CTNNA2: variants seen among roughly 807,000 people sequenced by gnomAD.
The protein encoded by CTNNA2 is catenin alpha-2.
CTNNA2 carries 42 observed loss-of-function variants against 101.0 expected under a neutral mutation model. The ratio of observed to expected loss-of-function variants is 0.42; its 90% CI spans 0.32 to 0.54. CTNNA2 has a LOEUF of 0.54. CTNNA2 is among the 20% of genes least tolerant of loss of function. The pLI is 0.14. For missense variants in CTNNA2, 871 were observed against 1,223.1 expected, an observed-to-expected ratio of 0.71 and a Z score of 4.29; for synonymous variants, 450 against 456.4, an observed-to-expected ratio of 0.99 and a Z score of 0.18.
chr2:79,989,338 T>A (rs897760914), intron 7 of CTNNA2, among the ~76,000 whole-genome samples: 1 of 152,158 alleles, frequency 6.6e-6, no homozygotes, highest in African/African-American at 2.4e-5. Flanking sequence ...AATTGGAGTA[T>A]TAGGCTGGGC....
At chr2:80,429,851 C>T (rs1681329778) in intron 9 of CTNNA2, among the ~76,000 whole-genome samples, 1 of 152,178 alleles carries the variant, frequency 6.6e-6, no homozygotes, top group South Asian at 2.1e-4. Context: ...TTCAAGCTTG[C>T]TTGCAAGTTG....
At chr2:79,709,833 G>T (rs972321726) in intron 2 of CTNNA2, among the ~76,000 whole-genome samples, 2 of 152,070 alleles carry the variant, frequency 1.3e-5, no homozygotes, top group African/African-American at 4.8e-5. Context: ...AAAATCAAAG[G>T]TATTGCAGCC....
chr2:79,320,248 C>T (rs987075325), intron 3 of CTNNA2, among the ~76,000 whole-genome samples: 2 of 149,140 alleles, frequency 1.3e-5, no homozygotes, highest in Non-Finnish European at 3.0e-5. Context: ...TAGTACCTAC[C>T]TTTACGTTTC....
chr2:80,209,346 T>C (rs1443689739), intron 7 of CTNNA2, among the ~76,000 whole-genome samples: 2 of 151,828 alleles, frequency 1.3e-5, no homozygotes, highest in Non-Finnish European at 2.9e-5. Flanking sequence ...GGATTACAGG[T>C]GCACGCCACC....
In CTNNA2 at chr2:80,382,437, C is replaced by T. The variant is rs182310072; in HGVS notation, c.1057-10774C>T. On this transcript the variant is annotated intron_variant, in intron 7 of 18. Transcript: ENST00000402739. ...GATGCAGCTTATATTATTTGTATAC[C>T]GTCTGACATCGGAAATTCAATTAAC... Among the ~76,000 whole-genome samples, 26 of 151,900 alleles carry T rather than the reference C, an allele frequency of 1.7e-4. 1 individual carries two copies. The highest frequency in any genetic ancestry group is 1.4e-3 in the Admixed American group (22 of 15,258).
At chr2:80,639,513 A>ATATGTG (rs1553418423) in intron 18 of CTNNA2, among the ~76,000 whole-genome samples, 22 of 147,408 alleles carry the variant, frequency 1.5e-4, no homozygotes, top group Non-Finnish European at 3.0e-5. Context: ...CCCAGCCTTG[A>ATATGTG]TGTGTGTGTG....
At chr2:80,371,119 G>T (rs139866104) in intron 7 of CTNNA2, among the ~76,000 whole-genome samples, 62 of 152,268 alleles carry the variant, frequency 4.1e-4, no homozygotes, top group African/African-American at 1.3e-3. Flanking sequence ...TCAAATGAGG[G>T]TCATATGACT....
chr2:79,982,729 T>C (rs6756771), intron 7 of CTNNA2, among the ~76,000 whole-genome samples: 70,675 of 151,872 alleles, frequency 0.47, 16,950 homozygotes, highest in African/African-American at 0.57. Flanking sequence ...TTTTTTTCTC[T>C]GGGAAATTTT....
In CTNNA2 at chr2:80,397,924, G is replaced by A. The variant is rs77707797; in HGVS notation, c.1137+4633G>A. Among the ~76,000 whole-genome samples, 1,412 of 152,328 alleles carry A rather than the reference G, an allele frequency of 9.3e-3. 25 individuals are homozygous for A. The highest frequency in any genetic ancestry group is 0.032 in the African/African-American group (1,322 of 41,568). On this transcript the variant is annotated intron_variant, in intron 8 of 18. Transcript: ENST00000402739. ...CTGGGAAATACACGTGGGGAAGAAG[G>A]AAGGTTCACATAAATACGTAGAAGT... is the stretch of plus-strand genomic sequence containing the variant.
At chr2:79,261,680 T>C (rs1674923840) in intron 2 of CTNNA2, among the ~76,000 whole-genome samples, 1 of 152,220 alleles carries the variant, frequency 6.6e-6, no homozygotes, top group South Asian at 2.1e-4. Context: ...GGACACCAGA[T>C]CTTTTGGATT....
At chr2:79,264,383 GTT>G (rs1674963461) in intron 2 of CTNNA2, among the ~76,000 whole-genome samples, 1 of 151,028 alleles carries the variant, frequency 6.6e-6, no homozygotes, top group Admixed American at 6.6e-5. Context: ...CAAACCTACA[GTT>G]TTAAGGGTAT....
At chr2:79,656,610 A>G (rs1681628488) in intron 2 of CTNNA2, among the ~76,000 whole-genome samples, 1 of 152,060 alleles carries the variant, frequency 6.6e-6, no homozygotes, top group African/African-American at 2.4e-5. Flanking sequence ...TGAGGCCTAT[A>G]CATTTATTGT....
At chr2:80,599,454 T>C (rs1461102982) in intron 15 of CTNNA2, among the ~76,000 whole-genome samples, 1 of 152,192 alleles carries the variant, frequency 6.6e-6, no homozygotes, top group Non-Finnish European at 1.5e-5. Flanking sequence ...ATTCCACAGT[T>C]ATTCTTCAGC....
At chr2:79,457,201 CAA>C (rs369641720) in intron 4 of CTNNA2, among the ~76,000 whole-genome samples, 32 of 82,376 alleles carry the variant, frequency 3.9e-4, no homozygotes, top group Admixed American at 8.6e-4. Context: ...GACTCCATCT[CAA>C]AAAAAAAAAA....
chr2:79,507,518 T>A (rs1434179281), intron 5 of CTNNA2, among the ~76,000 whole-genome samples: 2 of 152,134 alleles, frequency 1.3e-5, no homozygotes, highest in Non-Finnish European at 2.9e-5. Context: ...GCTCTCACCA[T>A]CTGTGACCCT....
chr2:79,889,451 A>G lies in CTNNA2; in HGVS notation c.852+15109A>G, dbSNP rs534065875. On this transcript the variant is annotated intron_variant, in intron 6 of 18. Coordinates refer to ENST00000402739, the MANE Select transcript of CTNNA2 (RefSeq NM_001282597.3). The stretch of plus-strand genomic sequence containing the variant: ...GCAGGCACCCAACATAACTGAGAAC[A>G]TAAATAGTCGGTTGTGGTTTGACCT... Among the ~76,000 whole-genome samples the G allele has an allele frequency of 3.3e-5, 5 of 152,352 alleles. No individual in the cohort carries two copies. The South Asian group carries it at 1.0e-3, about 32-fold the overall frequency.
intron 1 of CTNNA2, among the ~76,000 whole-genome samples, chr2:79,585,371 C>G (rs1676416133): frequency 6.6e-6 from 1 of 151,926 alleles, no homozygotes; most frequent in South Asian, 2.1e-4. Context: ...TTGGATAACA[C>G]TTCCAAGACA....
intron 7 of CTNNA2, among the ~76,000 whole-genome samples, chr2:80,142,202 A>T (rs1224745690): frequency 1.3e-5 from 2 of 152,164 alleles, no homozygotes; most frequent in East Asian, 3.9e-4. Context: ...CCTATCCTTC[A>T]TGTATTTGAC....
intron 3 of CTNNA2, among the ~76,000 whole-genome samples, chr2:79,794,204 T>G (rs1157325549): frequency 6.6e-6 from 1 of 152,102 alleles, no homozygotes; most frequent in Non-Finnish European, 1.5e-5. Context: ...AAAACAGGAC[T>G]TCAGAGAAAA....
Sources: allele counts gnomAD v4.1 joint callset (sites outside exome capture counted in the v4.1 genomes callset), GRCh38; gene constraint gnomAD v4.1.1; transcripts MANE v1.5; gene names NCBI Gene and HGNC (gene_info 2026-07-23, HGNC 2026-07-21).